ITGAE: variants seen among roughly 807,000 people sequenced by gnomAD.
ITGAE encodes integrin alpha-E.
In ITGAE, 99 loss-of-function variants were observed where a neutral mutation model predicts 136.5. That is an observed-to-expected ratio of 0.73 (90% CI 0.62 to 0.86). The LOEUF (loss-of-function observed/expected upper bound fraction) is 0.86, where lower values mean the gene tolerates loss of function less well. Among genes scored for constraint, ITGAE ranks in the 40% least tolerant of loss-of-function variants. The pLI is 0.00. For missense variants in ITGAE, 1,447 were observed against 1,515.3 expected, an observed-to-expected ratio of 0.95 and a Z score of 0.75; for synonymous variants, 613 against 591.8, an observed-to-expected ratio of 1.04 and a Z score of -0.52.
intron 26 of ITGAE, 196 bp from the exon 27 acceptor site, chr17:3,723,940 C>T (rs749355452): frequency 7.7e-6 from 12 of 1,550,286 alleles, no homozygotes; most frequent in South Asian, 4.8e-5. Flanking sequence ...CCGGCCATGG[C>T]GGCTTCGCTC....
chr17:3,762,746 C>G (rs954186967), intron 3 of ITGAE, among the ~76,000 whole-genome samples: 3 of 151,706 alleles, frequency 2.0e-5, no homozygotes, highest in Non-Finnish European at 1.5e-5. Flanking sequence ...TACGTGTGCC[C>G]GTCACCACAC....
chr17:3,746,581 C>G (rs1383727816), intron 17 of ITGAE, among the ~76,000 whole-genome samples: 55 of 151,932 alleles, frequency 3.6e-4, no homozygotes. Flanking sequence ...TCAGCCTCCC[C>G]CGTAGCTGGG....
intron 2 of ITGAE, among the ~76,000 whole-genome samples, chr17:3,767,724 GC>G (rs540578647): frequency 6.6e-6 from 1 of 151,954 alleles, no homozygotes; most frequent in East Asian, 2.0e-4. Context: ...CCCGGGCTCA[GC>G]AATCCTCCTA....
At chr17:3,765,072 G>T (rs574023594) in intron 2 of ITGAE, among the ~76,000 whole-genome samples, 1 of 152,076 alleles carries the variant, frequency 6.6e-6, no homozygotes, top group African/African-American at 2.4e-5. Flanking sequence ...TGATGAGGCC[G>T]GGCGCGGTGG....
chr17:3,771,781 C>T (rs2052429729), intron 2 of ITGAE, among the ~76,000 whole-genome samples: 1 of 152,158 alleles, frequency 6.6e-6, no homozygotes, highest in South Asian at 2.1e-4. Context: ...AGGTGACCCG[C>T]CCGCCTTGGC....
intron 21 of ITGAE, 41 bp downstream of exon 21, chr17:3,734,776 G>C (rs767500863): frequency 6.2e-7 from 1 of 1,611,654 alleles, no homozygotes; most frequent in Admixed American, 1.7e-5. Flanking sequence ...AGCGAGGGAG[G>C]GGCGTGAGGG....
At chr17:3,796,507 C>A (rs553744398) in intron 1 of ITGAE, among the ~76,000 whole-genome samples, 1 of 152,120 alleles carries the variant, frequency 6.6e-6, no homozygotes, top group Non-Finnish European at 1.5e-5. Flanking sequence ...TGGGGCGATA[C>A]GCGGCCCCAG....
intron 28 of ITGAE, among the ~76,000 whole-genome samples, chr17:3,722,133 C>T (rs550379895): frequency 3.7e-4 from 56 of 150,694 alleles, no homozygotes; most frequent in Admixed American, 1.3e-3. Context: ...GAGCCGAGAT[C>T]GTGCCATTGC....
chr17:3,735,323 A>G (rs934671881), intron 20 of ITGAE, among the ~76,000 whole-genome samples: 12 of 152,122 alleles, frequency 7.9e-5, no homozygotes, highest in Non-Finnish European at 1.6e-4. Flanking sequence ...ACGCGCCACC[A>G]TGCCTGGCTA....
chr17:3,723,817 G>T (rs944935924), intron 26 of ITGAE, 73 bp from the exon 27 acceptor site: 18 of 1,570,998 alleles, frequency 1.1e-5, no homozygotes, highest in Admixed American at 1.1e-4. Context: ...CCCGGCCCCG[G>T]CCCTGGCGAG....
chr17:3,714,791 G>T lies in ITGAE; in HGVS notation c.*56C>A. 1 of 943,998 alleles carries T rather than the reference G, an allele frequency of 1.1e-6. No homozygotes were observed. 58.5% of individuals were successfully genotyped at this position (943,998 alleles called of 1,614,324 possible). A position where few individuals can be genotyped will look rare whatever the true frequency, so the allele number is the denominator to read the frequency against. On this transcript the variant is annotated 3_prime_UTR_variant, in exon 31 of 31. Transcript: ENST00000263087. ...TGAAGGAAAAAGTAATGCAAAGGAT[G>T]CTGGGTCTCCAAGTCCCAGGACTGG...
chr17:3,755,311 G>A, intron 11 of ITGAE, 50 bp from the exon 12 acceptor site: 1 of 1,477,808 alleles, frequency 6.8e-7, no homozygotes. Flanking sequence ...ACCCAAGGCC[G>A]GGCCACGGTG....
chr17:3,722,472 C>A (rs2051074688), intron 28 of ITGAE: 1 of 141,882 alleles, frequency 7.0e-6, no homozygotes, highest in African/African-American at 2.8e-5. Flanking sequence ...CAGAGCAAGA[C>A]TCCATCTAAA....
rs1223957578 is a variant in ITGAE at position 3,723,714 on chromosome 17, G to A, written c.3115C>T (p.Arg1039Cys). ...ASTVCTWSQERACAYSSVQHV... is the reference protein window; with the variant it reads ...ASTVCTWSQECACAYSSVQHV... Reference sequence around the variant, plus strand: ...TGAACCGAACTGTACGCACAAGCGCGCTCCTGACTCCAGGTGCACACCGTG... The same window carrying A: ...TGAACCGAACTGTACGCACAAGCGCACTCCTGACTCCAGGTGCACACCGTG... Residue 1039 changes from arginine to cysteine, a missense_variant, in exon 27 of 31, where the codon CGC becomes TGC. Coordinates refer to ENST00000263087, the MANE Select transcript of ITGAE (RefSeq NM_002208.5). 7 of 1,604,392 alleles carry A rather than the reference G, an allele frequency of 4.4e-6. No individual in the cohort carries two copies. Among genetic ancestry groups the A allele is most frequent in the East Asian group, 2.2e-5 (1 of 44,608 alleles).
In ITGAE at chr17:3,761,518, T is replaced by C. The variant is rs1257775756; in HGVS notation, c.318A>G (p.Ile106Met). 2 of 1,611,958 alleles carry C rather than the reference T, an allele frequency of 1.2e-6. No individual in the cohort carries two copies. The highest frequency in any genetic ancestry group is 1.1e-5 in the South Asian group (1 of 90,860). Residue 106 changes from isoleucine (I) to methionine (M), a missense_variant and splice_region_variant, in exon 5 of 31, where the codon ATA becomes ATG. By Grantham distance (10) the Ile-to-Met change is conservative. Transcript: ENST00000263087. ...TVVRSHHGVL[I>M]CIQVLVRRPH... Reference sequence around the variant, plus strand: ...GCCGCCGGACCAGCACTTGAATGCATATCTGTGGGAGGGAAGAGAGGGTGG... The same window carrying C: ...GCCGCCGGACCAGCACTTGAATGCACATCTGTGGGAGGGAAGAGAGGGTGG...
Position 3,795,346 on chromosome 17 carries a change from G to C in ITGAE, c.34+5765C>G, listed in dbSNP as rs532145900. 2.0e-5 allele frequency among the ~76,000 whole-genome samples: 3 copies of C among 152,310 alleles called. No individual in the cohort carries two copies. In the South Asian group the frequency reaches 6.2e-4, roughly 32 times the overall value. On this transcript the variant is annotated intron_variant, in intron 1 of 30. Coordinates refer to ENST00000263087, the MANE Select transcript of ITGAE (RefSeq NM_002208.5). Reference sequence around the variant, plus strand: ...CACCCAAAAAAGGTGCTCTAAAAAGGTCAGAGTGGGCCAGATATTCCCTTT... The same window carrying C: ...CACCCAAAAAAGGTGCTCTAAAAAGCTCAGAGTGGGCCAGATATTCCCTTT...
rs377651701 is a variant in ITGAE, at chr17:3,786,644, C to T, written c.35-8984G>A. On this transcript the variant is annotated intron_variant, in intron 1 of 30. Transcript: ENST00000263087. Reference sequence around the variant, plus strand: ...CAGTGGCTCATGCCTGTAATCCCAGCACTTTGGGAGGCCAAGGCCAGCGGA... The same window carrying T: ...CAGTGGCTCATGCCTGTAATCCCAGTACTTTGGGAGGCCAAGGCCAGCGGA... Among the ~76,000 whole-genome samples, 10 of 152,154 alleles carry T rather than the reference C, an allele frequency of 6.6e-5. No homozygotes were observed. In the East Asian group the frequency reaches 1.7e-3, roughly 26 times the overall value.
intron 1 of ITGAE, among the ~76,000 whole-genome samples, chr17:3,795,794 TCC>T (rs2053052991): frequency 6.6e-6 from 1 of 152,040 alleles, no homozygotes; most frequent in African/African-American, 2.4e-5. Flanking sequence ...TGTGTGTGCA[TCC>T]GTGTGTGCTT....
chr17:3,772,257 C>A (rs371550633), intron 2 of ITGAE, among the ~76,000 whole-genome samples: 1 of 152,132 alleles, frequency 6.6e-6, no homozygotes, highest in Non-Finnish European at 1.5e-5. Flanking sequence ...AGCTGTTATT[C>A]GGTGGGGTCA....
Sources: allele counts gnomAD v4.1 joint callset (sites outside exome capture counted in the v4.1 genomes callset), GRCh38; gene constraint gnomAD v4.1.1; transcripts MANE v1.5; gene names NCBI Gene and HGNC (gene_info 2026-07-23, HGNC 2026-07-21).